The following IFT140 variants were observed in gnomAD, a reference collection of about 807,000 sequenced individuals.
IFT140 encodes intraflagellar transport protein 140 homolog.
A neutral mutation model predicts 164.6 loss-of-function variants in IFT140; 133 were observed. The observed-to-expected ratio is 0.81, with a 90% CI of 0.70 to 0.93. IFT140 has a LOEUF of 0.93. Ranked by LOEUF, IFT140 falls within the 40% of genes least tolerant of loss-of-function variation. The probability of loss-of-function intolerance (pLI) is 0.00; values close to 1 mark genes in which losing one functional copy is unlikely to be tolerated. For missense variants in IFT140, 2,045 were observed against 1,972.3 expected, an observed-to-expected ratio of 1.04 and a Z score of -0.70; for synonymous variants, 860 against 817.3, an observed-to-expected ratio of 1.05 and a Z score of -0.89.
intron 6 of IFT140, 91 bp downstream of exon 6, chr16:1,592,084 TC>T (rs1338135829): frequency 1.4e-6 from 2 of 1,385,274 alleles, no homozygotes; most frequent in Non-Finnish European, 2.0e-6. Flanking sequence ...CCGTTACTGT[TC>T]TATGCAGAAA....
At chr16:1,520,905 G>C in intron 26 of IFT140, 97 bp from the exon 27 acceptor site, 1 of 1,169,096 alleles carries the variant, frequency 8.6e-7, no homozygotes, top group Non-Finnish European at 1.2e-6. Context: ...CAGGCCCCTC[G>C]GCTCAGCGGC....
At chr16:1,529,700 G>A (rs1165497758) in intron 19 of IFT140, among the ~76,000 whole-genome samples, 1 of 152,224 alleles carries the variant, frequency 6.6e-6, no homozygotes, top group Non-Finnish European at 1.5e-5. Context: ...ACCAAGGCTT[G>A]TCTTTCTCCT....
rs1039231129 is a variant in IFT140 at position 1,553,196 on chromosome 16, GTGTCTC to G, written c.2399+4733_2399+4738del. On this transcript the variant is annotated intron_variant, in intron 19 of 30. Coordinates refer to ENST00000426508, the MANE Select transcript of IFT140 (RefSeq NM_014714.4). This position sits in a 1 kb window ranked among gnomAD's most constrained non-coding sequence, Gnocchi z 4.4. The stretch of plus-strand genomic sequence containing the variant: ...TCTTGCTCTCTGTCTCTCCTTCCCT[GTGTCTC>G]TGTCTCTGTCTCTCTCTGTCTCCAT... 1.2e-5 allele frequency: 12 copies of G among 983,450 alleles called. No individual in the cohort carries two copies. The highest frequency in any genetic ancestry group is 1.1e-4 in the African/African-American group (6 of 57,124). The allele number at this position is 983,450 out of a possible 1,614,324, so 60.9% of individuals were successfully genotyped here.
Position 1,522,248 on chromosome 16 carries a change from T to G in IFT140, c.3453+1270A>C, listed in dbSNP as rs1352980373. 2.0e-5 allele frequency among the ~76,000 whole-genome samples: 3 copies of G among 152,208 alleles called. 1 individual carries two copies. The East Asian group carries it at 5.8e-4, about 29-fold the overall frequency. ...GGTGGGCGCCTGTAGTCCCAGCTAC[T>G]CGGGAGGCTGAGGCAGGGGAATTGC... is the stretch of plus-strand genomic sequence containing the variant. On this transcript the variant is annotated intron_variant, in intron 26 of 30. Transcript: ENST00000426508.
intron 3 of IFT140, among the ~76,000 whole-genome samples, chr16:1,605,575 C>G (rs368368856): frequency 5.9e-5 from 9 of 151,876 alleles, no homozygotes; most frequent in African/African-American, 1.7e-4. Context: ...CCGGCTAATT[C>G]TTGTATTTTT....
At chr16:1,594,050 T>C (rs535687277) in intron 4 of IFT140, among the ~76,000 whole-genome samples, 2 of 152,328 alleles carry the variant, frequency 1.3e-5, no homozygotes, top group South Asian at 2.1e-4. Flanking sequence ...TTACTTCCCA[T>C]GCTGGGTTAT....
chr16:1,542,146 CTGAGGCCTTG>C, intron 19 of IFT140: 1 of 1,455,726 alleles, frequency 6.9e-7, no homozygotes, highest in Non-Finnish European at 9.1e-7. Context: ...CAGGAGGGTC[CTGAGGCCTTG>C]GGTGGCCTGG....
chr16:1,538,605 C>T (rs1365593501), intron 19 of IFT140, among the ~76,000 whole-genome samples: 6 of 152,296 alleles, frequency 3.9e-5, no homozygotes, highest in African/African-American at 9.6e-5. Flanking sequence ...TGACCTTCTG[C>T]GTGATGTTTT....
chr16:1,534,811 G>A (rs1476314545), intron 19 of IFT140, among the ~76,000 whole-genome samples: 1 of 151,542 alleles, frequency 6.6e-6, no homozygotes, highest in Non-Finnish European at 1.5e-5. Context: ...TTTTACACAG[G>A]AATTCATCTC....
rs1259402740 is a variant in IFT140, at chr16:1,525,298, C to T, written c.2797G>A (p.Glu933Lys). 23 of 1,612,552 alleles carry T rather than the reference C, an allele frequency of 1.4e-5. No homozygotes were observed. Among genetic ancestry groups the T allele is most frequent in the East Asian group, 2.2e-5 (1 of 44,888 alleles). ...TCCTCCGACAGCATCCTGGGCACCT[C>T]GAAGCGGTGCGTGTCCGACTTCTCG... ...YYEKSDTHRF[E>K]VPRMLSEDLP... Residue 933 changes from glutamate to lysine, a missense_variant, in exon 22 of 31, where the codon GAG becomes AAG. By Grantham distance (56) the Glu-to-Lys change is moderately conservative. Coordinates refer to ENST00000426508, the MANE Select transcript of IFT140 (RefSeq NM_014714.4).
chr16:1,533,376 G>A lies in IFT140; in HGVS notation c.2400-6580C>T, dbSNP rs932164826. 2.0e-5 allele frequency: 3 copies of A among 152,470 alleles called. No homozygotes were observed. Among genetic ancestry groups the A allele is most frequent in the Non-Finnish European group, 4.4e-5 (3 of 68,286 alleles). 9.4% of individuals were successfully genotyped at this position (152,470 alleles called of 1,614,324 possible). A position where few individuals can be genotyped will look rare whatever the true frequency, so the allele number is the denominator to read the frequency against. On this transcript the variant is annotated intron_variant, in intron 19 of 30. Transcript: ENST00000426508. The surrounding 1 kb of genome is among the most constrained non-coding windows in gnomAD (Gnocchi z 4.7). ...ATGGCTGGGGGGTGTGAAGTCCCCA[G>A]GGCAGGCAATAGTCGCTCAGTACCA...
intron 4 of IFT140, among the ~76,000 whole-genome samples, chr16:1,597,449 G>A (rs2035522445): frequency 6.6e-6 from 1 of 152,206 alleles, no homozygotes; most frequent in Admixed American, 6.5e-5. Context: ...GAGACTGTGG[G>A]ATACCCCAGC....
Position 1,524,825 on chromosome 16 carries a change from A to G in IFT140, c.2956T>C (p.Ser986Pro). ...HYYELARDHF[S>P]LVRIHCFQGN... Reference sequence around the variant, plus strand: ...TGGAAGCAGTGGATGCGGACCAGGGAGAAGTGGTCCCGGGCCAGCTCGTAG... The same window carrying G: ...TGGAAGCAGTGGATGCGGACCAGGGGGAAGTGGTCCCGGGCCAGCTCGTAG... The change falls in exon 23 of 31, where the codon TCC becomes CCC. Residue 986 changes from serine (S) to proline (P), a missense_variant. Physicochemically the swap from Ser to Pro is moderately conservative, Grantham distance 74. Coordinates refer to ENST00000426508, the MANE Select transcript of IFT140 (RefSeq NM_014714.4). 6.2e-7 allele frequency: 1 copy of G among 1,612,508 alleles called. No individual in the cohort carries two copies. Among genetic ancestry groups the G allele is most frequent in the Non-Finnish European group, 8.5e-7 (1 of 1,179,028 alleles).
chr16:1,549,457 G>A (rs1003704372), intron 19 of IFT140, among the ~76,000 whole-genome samples: 13 of 152,196 alleles, frequency 8.5e-5, no homozygotes, highest in African/African-American at 2.4e-4. Context: ...ACTGGCTTTC[G>A]CTCTTGTTGC....
chr16:1,579,377 G>GAA (rs2034438222), intron 13 of IFT140: 1 of 152,092 alleles, frequency 6.6e-6, no homozygotes, highest in African/African-American at 2.4e-5. Flanking sequence ...AAGGTCAAGT[G>GAA]CACAAGCCAA....
Position 1,524,673 on chromosome 16 carries a change from G to A in IFT140, c.3020C>T (p.Thr1007Ile). 1.9e-6 allele frequency: 3 copies of A among 1,576,516 alleles called. No individual in the cohort carries two copies. Among genetic ancestry groups the A allele is most frequent in the Non-Finnish European group, 2.6e-6 (3 of 1,156,248 alleles). Residue 1007 changes from threonine (T) to isoleucine (I), a missense_variant, in exon 24 of 31, where the codon ACA becomes ATA. By Grantham distance (89) the Thr-to-Ile change is moderately conservative. Coordinates refer to ENST00000426508, the MANE Select transcript of IFT140 (RefSeq NM_014714.4). ...GTGGTAGGAGGCCGCCAGGTTTCCT[G>A]TCTCGTTGGCTATTTGCGCAGCCTA... is the stretch of plus-strand genomic sequence containing the variant. Reference protein sequence around the residue: ...VQKAAQIANETGNLAASYHLA... With the variant: ...VQKAAQIANEIGNLAASYHLA...
chr16:1,511,254 T>C, intron 30 of IFT140, 104 bp from the exon 31 acceptor site: 1 of 1,064,536 alleles, frequency 9.4e-7, no homozygotes, highest in Non-Finnish European at 1.4e-6. Flanking sequence ...CGGGTGGGGG[T>C]GCCTCCGCGC....
At chr16:1,526,179 G>A (rs549129556) in intron 20 of IFT140, 102 bp from the exon 21 acceptor site, 23 of 1,123,910 alleles carry the variant, frequency 2.0e-5, no homozygotes, top group South Asian at 6.1e-5. Flanking sequence ...TTCCCACACC[G>A]CCAAGCACAC....
chr16:1,529,039 C>T (rs1006767443), intron 19 of IFT140, among the ~76,000 whole-genome samples: 4 of 152,164 alleles, frequency 2.6e-5, no homozygotes, highest in Non-Finnish European at 4.4e-5. Context: ...AGGGGCTGGA[C>T]GCAGGTTCCT....
Sources: allele counts gnomAD v4.1 joint callset (sites outside exome capture counted in the v4.1 genomes callset), GRCh38; gene constraint gnomAD v4.1.1; non-coding constraint Gnocchi (gnomAD v3.1); transcripts MANE v1.5; gene names NCBI Gene and HGNC (gene_info 2026-07-23, HGNC 2026-07-21).